Variants in MFAP3L observed in about 807,000 individuals in gnomAD.
The protein encoded by MFAP3L is microfibrillar-associated protein 3-like.
Under a neutral mutation model 20.0 loss-of-function variants are expected in MFAP3L, and 5 were observed. The ratio of observed to expected loss-of-function variants is 0.25; its 90% CI spans 0.13 to 0.53. MFAP3L has a LOEUF of 0.53. Among genes scored for constraint, MFAP3L ranks in the 20% least tolerant of loss-of-function variants. MFAP3L has a pLI of 0.96. For synonymous variants in MFAP3L, 219 were observed against 213.0 expected, an observed-to-expected ratio of 1.03 and a Z score of -0.25; for missense variants, 409 against 527.5, an observed-to-expected ratio of 0.78 and a Z score of 2.20.
chr4:169,991,803 T>C lies in MFAP3L; in HGVS notation c.805A>G (p.Asn269Asp). Residue 269 changes from asparagine to aspartate, a missense_variant, in exon 3 of 3, where the codon AAT becomes GAT. Physicochemically the swap from Asn to Asp is conservative, Grantham distance 23. Coordinates refer to ENST00000361618, the MANE Select transcript of MFAP3L (RefSeq NM_021647.8). This position sits in a 1 kb window ranked among gnomAD's most constrained non-coding sequence, Gnocchi z 4.9. ...CCCTCTGGAGTATGCCTCACAAAAT[T>C]CTGCCCCTGCTCCTCCAGCCCAACC... ...EVVGLEEQGQNFVRHTPEGQE... is the reference protein window; with the variant it reads ...EVVGLEEQGQDFVRHTPEGQE... 6.2e-7 allele frequency: 1 copy of C among 1,614,146 alleles called. No individual in the cohort carries two copies. The highest frequency in any genetic ancestry group is 8.5e-7 in the Non-Finnish European group (1 of 1,180,024).
At chr4:169,998,130 T>G (rs77826069) in intron 2 of MFAP3L, among the ~76,000 whole-genome samples, 4,907 of 152,324 alleles carry the variant, frequency 0.032, 287 homozygotes, top group African/African-American at 0.11. Flanking sequence ...TGTGGTGGGT[T>G]CCACACCGGG....
chr4:170,014,028 C>T (rs752025199), intron 1 of MFAP3L, among the ~76,000 whole-genome samples: 4 of 152,214 alleles, frequency 2.6e-5, no homozygotes, highest in Admixed American at 6.5e-5. Context: ...CAATGCACAT[C>T]AGAGGGTTAC....
In MFAP3L at chr4:169,988,196, T is replaced by C. The variant is rs950938658; in HGVS notation, c.*3182A>G. ...AGTATTAGTATTTCTTTTTGCTAAGTATGGTATACAAAAAGATGAGGATAG... is the reference window on the plus strand; with the variant it reads ...AGTATTAGTATTTCTTTTTGCTAAGCATGGTATACAAAAAGATGAGGATAG... On this transcript the variant is annotated 3_prime_UTR_variant, in exon 3 of 3. Transcript: ENST00000361618. 6.6e-6 allele frequency: 1 copy of C among 152,194 alleles called. No individual in the cohort carries two copies. Among genetic ancestry groups the C allele is most frequent in the African/African-American group, 2.4e-5 (1 of 41,448 alleles). 9.4% of individuals were successfully genotyped at this position (152,194 alleles called of 1,614,324 possible).
chr4:169,991,584 C>A lies in MFAP3L; in HGVS notation c.1024G>T (p.Asp342Tyr). 1 of 1,614,160 alleles carries A rather than the reference C, an allele frequency of 6.2e-7. No homozygotes were observed. The highest frequency in any genetic ancestry group is 8.5e-7 in the Non-Finnish European group (1 of 1,180,032). Residue 342 changes from aspartate (D) to tyrosine (Y), a missense_variant, in exon 3 of 3, where the codon GAT (aspartate) becomes TAT (tyrosine). This residue lies in a region of MFAP3L where 169 missense variants were observed against 178.2 expected (regional missense o/e 0.95). Coordinates refer to ENST00000361618, the MANE Select transcript of MFAP3L (RefSeq NM_021647.8). The surrounding 1 kb of genome is among the most constrained non-coding windows in gnomAD (Gnocchi z 4.9). ...DQEGGQFEVK[D>Y]VEETELSAEH... ...GCCGACAGTTCTGTCTCCTCTACAT[C>A]TTTGACTTCAAACTGTCCACCCTCT...
Position 169,992,818 on chromosome 4 carries a change from G to T in MFAP3L, c.299-509C>A, listed in dbSNP as rs1386984681. 2.0e-5 allele frequency among the ~76,000 whole-genome samples: 3 copies of T among 152,154 alleles called. No individual in the cohort carries two copies. Among genetic ancestry groups the T allele is most frequent in the Non-Finnish European group, 4.4e-5 (3 of 68,008 alleles). On this transcript the variant is annotated intron_variant, in intron 2 of 2. Transcript: ENST00000361618. This position sits in a 1 kb window ranked among gnomAD's most constrained non-coding sequence, Gnocchi z 4.3. Reference sequence around the variant, plus strand: ...CTGGGGAGGTTAATGCAATTAAATTGTTTACCTGAGTTTCTCAAATTTAAG... The same window carrying T: ...CTGGGGAGGTTAATGCAATTAAATTTTTTACCTGAGTTTCTCAAATTTAAG...
At chr4:170,002,942 T>C (rs1237570546) in intron 2 of MFAP3L, among the ~76,000 whole-genome samples, 1 of 152,084 alleles carries the variant, frequency 6.6e-6, no homozygotes. Context: ...TATTATAATA[T>C]GGACATTTCC....
chr4:170,026,767 C>T (rs978223086), upstream of MFAP3L: 2 of 152,316 alleles, frequency 1.3e-5, no homozygotes, highest in Non-Finnish European at 2.9e-5. Flanking sequence ...GGCGTCGCAT[C>T]GCACGCGTGT....
At chr4:170,009,706 CTTT>C (rs1361006249) in intron 1 of MFAP3L, among the ~76,000 whole-genome samples, 1 of 152,070 alleles carries the variant, frequency 6.6e-6, no homozygotes, top group African/African-American at 2.4e-5. Context: ...ATCAAATGTT[CTTT>C]ATTTTGACCC....
At chr4:170,027,259 G>A (rs1276056423), upstream of MFAP3L, 25 of 137,302 alleles carry the variant, frequency 1.8e-4, no homozygotes, top group African/African-American at 6.1e-4. Context: ...AGAGAACAGA[G>A]ACTCTCAATT....
At chr4:170,021,330 G>A (rs1197411564) in intron 1 of MFAP3L, among the ~76,000 whole-genome samples, 1 of 152,092 alleles carries the variant, frequency 6.6e-6, no homozygotes, top group Admixed American at 6.5e-5. Context: ...TAAATATCTG[G>A]CTACCACAAC....
At chr4:170,008,775 T>C (rs997094840) in intron 1 of MFAP3L, among the ~76,000 whole-genome samples, 2 of 152,220 alleles carry the variant, frequency 1.3e-5, no homozygotes, top group Admixed American at 1.3e-4. Context: ...AACTTGACAC[T>C]GCTCCCTGGT....
At chr4:169,997,259 G>A (rs953224341) in intron 2 of MFAP3L, among the ~76,000 whole-genome samples, 1 of 152,132 alleles carries the variant, frequency 6.6e-6, no homozygotes, top group African/African-American at 2.4e-5. Context: ...TTTATAACCT[G>A]GAAATAGGAA....
rs1371691536 is a variant in MFAP3L at position 169,990,084 on chromosome 4, T to C, written c.*1294A>G. 2 of 152,258 alleles carry C rather than the reference T, an allele frequency of 1.3e-5. No homozygotes were observed. Among genetic ancestry groups the C allele is most frequent in the Non-Finnish European group, 2.9e-5 (2 of 68,052 alleles). The allele number at this position is 152,258 out of a possible 1,614,324, so 9.4% of individuals were successfully genotyped here. On this transcript the variant is annotated 3_prime_UTR_variant, in exon 3 of 3. Transcript: ENST00000361618. ...GCTCAGAGCTCATGTCATCTGCCCC[T>C]TCTACAGATAAGGGACCTGAGGTCC...
chr4:170,002,166 GTTC>G (rs1738675626), intron 2 of MFAP3L: 1 of 984,900 alleles, frequency 1.0e-6, no homozygotes, highest in South Asian at 4.7e-5. Flanking sequence ...TTTCCATCTA[GTTC>G]TTCTCATATT....
chr4:169,994,416 C>A, intron 2 of MFAP3L: 1 of 984,680 alleles, frequency 1.0e-6, no homozygotes, highest in African/African-American at 1.7e-5. Context: ...ATACCAACAG[C>A]TTTTTCCCCA....
intron 1 of MFAP3L, among the ~76,000 whole-genome samples, chr4:170,021,898 A>T (rs1740061654): frequency 6.6e-6 from 1 of 152,180 alleles, no homozygotes; most frequent in Non-Finnish European, 1.5e-5. Context: ...AACATTGGTG[A>T]TTGATTGTGG....
At chr4:170,025,759 G>T (rs1461496852) in intron 1 of MFAP3L, among the ~76,000 whole-genome samples, 2 of 151,994 alleles carry the variant, frequency 1.3e-5, no homozygotes, top group Non-Finnish European at 2.9e-5. Context: ...TGCGGCATCA[G>T]GACACGGCGC....
chr4:170,001,310 A>T (rs1738599248), intron 2 of MFAP3L, among the ~76,000 whole-genome samples: 1 of 152,224 alleles, frequency 6.6e-6, no homozygotes, highest in Non-Finnish European at 1.5e-5. Flanking sequence ...AAAGCAAAGT[A>T]AACTAGAGGC....
At chr4:170,016,086 A>C (rs1178138418) in intron 1 of MFAP3L, among the ~76,000 whole-genome samples, 1 of 152,262 alleles carries the variant, frequency 6.6e-6, no homozygotes, top group Non-Finnish European at 1.5e-5. Flanking sequence ...GATTGTGCTT[A>C]GCACCATGCA....
Sources: allele counts gnomAD v4.1 joint callset (sites outside exome capture counted in the v4.1 genomes callset), GRCh38; gene constraint gnomAD v4.1.1; regional missense constraint gnomAD v4.1.1; non-coding constraint Gnocchi (gnomAD v3.1); transcripts MANE v1.5; gene names NCBI Gene and HGNC (gene_info 2026-07-23, HGNC 2026-07-21).